ST3GAL5: variants seen among roughly 807,000 people sequenced by gnomAD.
ST3GAL5 encodes ST3 beta-galactoside alpha-2,3-sialyltransferase 5.
ST3GAL5 carries 25 observed loss-of-function variants against 46.1 expected under a neutral mutation model. The ratio of observed to expected loss-of-function variants is 0.54; its 90% CI spans 0.40 to 0.76. The LOEUF (loss-of-function observed/expected upper bound fraction) is 0.76. Ranked by LOEUF, ST3GAL5 falls within the 30% of genes least tolerant of loss-of-function variation. The pLI is 0.00. For synonymous variants in ST3GAL5, 182 were observed against 192.7 expected (o/e 0.94, Z 0.46); for missense variants, 431 against 521.2 (o/e 0.83, Z 1.69).
At chr2:85,852,834 C>G in intron 3 of ST3GAL5, 2 of 1,285,592 alleles carry the variant, frequency 1.6e-6, no homozygotes, top group South Asian at 2.5e-5. Flanking sequence ...GCATTTCTCC[C>G]TAGGTCGAGG....
intron 3 of ST3GAL5, chr2:85,848,469 C>T (rs1218446999): frequency 3.8e-6 from 5 of 1,322,754 alleles, no homozygotes; most frequent in African/African-American, 1.5e-5. Flanking sequence ...CGCCTCCCAC[C>T]CCCAGCCTAA....
intron 3 of ST3GAL5, chr2:85,855,917 G>A (rs1289754323): frequency 6.6e-6 from 1 of 152,210 alleles, no homozygotes; most frequent in Admixed American, 6.5e-5. Context: ...CTATCAGGAT[G>A]ACAGTAGTAA....
Position 85,888,955 on chromosome 2 carries a change from A to AC in ST3GAL5, c.-51dup. 2 of 1,244,660 alleles carry AC rather than the reference A, an allele frequency of 1.6e-6. No homozygotes were observed. Among genetic ancestry groups the AC allele is most frequent in the East Asian group, 3.5e-5 (1 of 28,418 alleles). 77.1% of individuals were successfully genotyped at this position (1,244,660 alleles called of 1,614,324 possible). A position where few individuals can be genotyped will look rare whatever the true frequency, so the allele number is the denominator to read the frequency against. ...CGCCAGCCCGGTACCCCGCGCCCCCACCCGCCCCCAGCGCCGCTCTCGCGC... is the reference window on the plus strand; with the variant it reads ...CGCCAGCCCGGTACCCCGCGCCCCCACCCCGCCCCCAGCGCCGCTCTCGCGC... On this transcript the variant is annotated 5_prime_UTR_variant, in exon 1 of 7. The change abolishes the stop of an existing upstream ORF in the 5' untranslated region. Transcript: ENST00000638572.
Position 85,888,976 on chromosome 2 carries a change from C to T in ST3GAL5, c.-71G>A, listed in dbSNP as rs563982857. The T allele has an allele frequency of 4.2e-6, 5 of 1,180,076 alleles. No individual in the cohort carries two copies. The highest frequency in any genetic ancestry group is 5.3e-6 in the Non-Finnish European group (5 of 939,098). 73.1% of individuals were successfully genotyped at this position (1,180,076 alleles called of 1,614,324 possible). ...CCCCACCCGCCCCCAGCGCCGCTCT[C>T]GCGCCCATTCAGCTGGGGGCCGCCG... is the stretch of plus-strand genomic sequence containing the variant. On this transcript the variant is annotated 5_prime_UTR_variant, in exon 1 of 7. Coordinates refer to ENST00000638572, the MANE Select transcript of ST3GAL5 (RefSeq NM_003896.4).
At chr2:85,885,362 G>A (rs923010063) in intron 1 of ST3GAL5, among the ~76,000 whole-genome samples, 1 of 152,154 alleles carries the variant, frequency 6.6e-6, no homozygotes, top group African/African-American at 2.4e-5. Context: ...TTGCCCTGCT[G>A]CCTGACCCAC....
At chr2:85,850,780 C>T (rs1478712249) in intron 3 of ST3GAL5, 2 of 152,204 alleles carry the variant, frequency 1.3e-5, no homozygotes, top group African/African-American at 2.4e-5. Flanking sequence ...GAAAGAGGTG[C>T]GTGAGCGAGC....
chr2:85,885,037 C>T (rs1288230974), intron 1 of ST3GAL5, among the ~76,000 whole-genome samples: 3 of 152,090 alleles, frequency 2.0e-5, no homozygotes, highest in African/African-American at 7.2e-5. Flanking sequence ...GTGAACCATC[C>T]AATAACTTAA....
At chr2:85,860,036 C>T (rs62147537) in intron 3 of ST3GAL5, among the ~76,000 whole-genome samples, 26,448 of 152,194 alleles carry the variant, frequency 0.17, 2,847 homozygotes, top group South Asian at 0.34. Context: ...CGGGCTTCAC[C>T]ACGTACTGCC....
rs1399904609 is a variant in ST3GAL5, at chr2:85,861,190, G to A, written c.309C>T (p.Asp103=). ...DMKKMHYVDP[D]HVKRAQKYAQ... is the part of the protein sequence containing the mutation. Reference sequence around the variant, plus strand: ...CAATGGGATATCTAACCTTTACATGGTCAGGGTCCACATAATGCATTTTTT... The same window carrying A: ...CAATGGGATATCTAACCTTTACATGATCAGGGTCCACATAATGCATTTTTT... Residue 103 remains aspartate, a synonymous_variant, in exon 3 of 7, where the codon GAC becomes GAT. Transcript: ENST00000638572. 6.2e-7 allele frequency: 1 copy of A among 1,601,894 alleles called. No homozygotes were observed. Among genetic ancestry groups the A allele is most frequent in the African/African-American group, 1.3e-5 (1 of 74,660 alleles).
chr2:85,860,644 G>A (rs576699036), intron 3 of ST3GAL5, among the ~76,000 whole-genome samples: 11 of 152,208 alleles, frequency 7.2e-5, no homozygotes, highest in South Asian at 2.1e-4. Flanking sequence ...AGGCCAAGGC[G>A]GGAGGATAGC....
intron 1 of ST3GAL5, among the ~76,000 whole-genome samples, chr2:85,867,127 C>A (rs1404900045): frequency 6.6e-6 from 1 of 151,954 alleles, no homozygotes; most frequent in Non-Finnish European, 1.5e-5. Flanking sequence ...CCTGCCTCTA[C>A]AAAAAAATAA....
intron 6 of ST3GAL5, among the ~76,000 whole-genome samples, chr2:85,843,832 A>C (rs1053335237): frequency 1.5e-4 from 23 of 152,224 alleles, no homozygotes; most frequent in Non-Finnish European, 7.3e-5. Flanking sequence ...GCAAAATAAA[A>C]ATCGTCCACG....
intron 3 of ST3GAL5, among the ~76,000 whole-genome samples, chr2:85,857,066 CAAAA>C (rs373154047): frequency 1.4e-5 from 1 of 70,896 alleles, no homozygotes; most frequent in African/African-American, 6.0e-5. Flanking sequence ...CTGCCTCTAC[CAAAA>C]AAAAAAAAAA....
chr2:85,870,369 C>A, intron 1 of ST3GAL5: 1 of 412,046 alleles, frequency 2.4e-6, no homozygotes. Flanking sequence ...TCCTCCAAGG[C>A]TTTTGTTGGC....
chr2:85,876,750 G>A (rs72932783), intron 1 of ST3GAL5, among the ~76,000 whole-genome samples: 2,433 of 151,822 alleles, frequency 0.016, 52 homozygotes, highest in African/African-American at 0.055. Context: ...GAGCCACCAC[G>A]CCCGACCCTC....
At position 85,844,400 on chromosome 2, in the gene ST3GAL5, T is replaced by C; in HGVS notation, c.1004A>G (p.Asp335Gly). 6.2e-7 allele frequency: 1 copy of C among 1,614,206 alleles called. No homozygotes were observed. Among genetic ancestry groups the C allele is most frequent in the Non-Finnish European group, 8.5e-7 (1 of 1,180,038 alleles). Residue 335 changes from aspartate to glycine, a missense_variant, in exon 6 of 7, where the codon GAT (aspartate) becomes GGT (glycine). Transcript: ENST00000638572. ...TTTGAGTAGCAACAAAAATACCTTA[T>C]CTCGGCCCCAGAACCTTGACTGAGG... ...SEPQSRFWGR[D>G]KNVPTIGVIA...
At position 85,861,242 on chromosome 2, in the gene ST3GAL5, T is replaced by C. The variant is rs556529890; in HGVS notation, c.257A>G (p.Asn86Ser). 9 of 1,613,564 alleles carry C rather than the reference T, an allele frequency of 5.6e-6. No individual in the cohort carries two copies. Among genetic ancestry groups the C allele is most frequent in the Non-Finnish European group, 7.6e-6 (9 of 1,179,814 alleles). The part of the protein sequence containing the change: ...GVWILYILKL[N>S]YTTEECDMKK... ...CATGTCACATTCTTCAGTAGTATAATTTAACTTGAGGATATAAAGGATCCA... is the reference window on the plus strand; with the variant it reads ...CATGTCACATTCTTCAGTAGTATAACTTAACTTGAGGATATAAAGGATCCA... The change falls in exon 3 of 7, where the codon AAT becomes AGT. Residue 86 changes from asparagine (N) to serine (S), a missense_variant. Asn to Ser is a conservative substitution (Grantham distance 46, BLOSUM62 1). Coordinates refer to ENST00000638572, the MANE Select transcript of ST3GAL5 (RefSeq NM_003896.4).
rs2366947 is a variant in ST3GAL5, at chr2:85,860,886, T to C, written c.318+295A>G. On this transcript the variant is annotated intron_variant, in intron 3 of 6. Coordinates refer to ENST00000638572, the MANE Select transcript of ST3GAL5 (RefSeq NM_003896.4). Reference sequence around the variant, plus strand: ...AGAAAGAATTTCTTTGTTGTTTACTTTATAGCATCAGGGCAAATTAATTCC... The same window carrying C: ...AGAAAGAATTTCTTTGTTGTTTACTCTATAGCATCAGGGCAAATTAATTCC... 150,495 of 378,598 alleles carry C rather than the reference T, an allele frequency of 0.4. 31,448 individuals carry two copies. Among genetic ancestry groups the C allele is most frequent in the Admixed American group, 0.55 (13,835 of 25,140 alleles). 23.5% of individuals were successfully genotyped at this position (378,598 alleles called of 1,614,324 possible). A position where few individuals can be genotyped will look rare whatever the true frequency, so the allele number is the denominator to read the frequency against.
chr2:85,840,553 T>C, intron 6 of ST3GAL5, 161 bp from the exon 7 acceptor site: 1 of 771,150 alleles, frequency 1.3e-6, no homozygotes. Flanking sequence ...AGAGTCCAAC[T>C]CTCCATTTAA....
Sources: allele counts gnomAD v4.1 joint callset (sites outside exome capture counted in the v4.1 genomes callset), GRCh38; gene constraint gnomAD v4.1.1; transcripts MANE v1.5; gene names NCBI Gene and HGNC (gene_info 2026-07-23, HGNC 2026-07-21).